Variants in CATSPERT observed in about 807,000 individuals in gnomAD.
The protein encoded by CATSPERT is catsper channel auxiliary subunit tau, also known as cation channel sperm-associated targeting subunit tau.
At chr2:201,539,443 C>T in the CATSPERT span, among the ~76,000 whole-genome samples, 10 of 148,412 alleles carry the variant, frequency 6.7e-5, no homozygotes, top group Non-Finnish European at 1.0e-4. Context: ...TTTCATATGC[C>T]TGTTGGCCAT....
chr2:201,493,727 G>T, the CATSPERT span: 25 of 1,537,162 alleles, frequency 1.6e-5, no homozygotes, highest in African/African-American at 4.1e-5. Flanking sequence ...GAGAATATTG[G>T]TGCAGTGAAT....
chr2:201,519,470 T>C, the CATSPERT span, among the ~76,000 whole-genome samples: 1 of 151,530 alleles, frequency 6.6e-6, no homozygotes, highest in Non-Finnish European at 1.5e-5. Flanking sequence ...CAAGGAAACA[T>C]GACACAAAGG....
chr2:201,559,133 A>T, the CATSPERT span, among the ~76,000 whole-genome samples: 6 of 152,196 alleles, frequency 3.9e-5, no homozygotes, highest in African/African-American at 1.4e-4. Flanking sequence ...AGGACCTGAG[A>T]AACAGCCCCG....
the CATSPERT span, among the ~76,000 whole-genome samples, chr2:201,527,525 T>C: frequency 6.6e-6 from 1 of 152,142 alleles, no homozygotes; most frequent in Admixed American, 6.5e-5. Context: ...AAGGTTACAG[T>C]AACCAAAACA....
the CATSPERT span, among the ~76,000 whole-genome samples, chr2:201,604,423 A>T: frequency 6.6e-6 from 1 of 152,186 alleles, no homozygotes; most frequent in Admixed American, 6.5e-5. Context: ...AATCCCTAAT[A>T]TAGAAGATAT....
At chr2:201,526,554 C>T in the CATSPERT span, among the ~76,000 whole-genome samples, 1 of 152,054 alleles carries the variant, frequency 6.6e-6, no homozygotes, top group African/African-American at 2.4e-5. Context: ...TCCAGCAGCA[C>T]ATCAGAAAGC....
At chr2:201,618,958 C>G in the CATSPERT span, 1 of 1,613,960 alleles carries the variant, frequency 6.2e-7, no homozygotes, top group Non-Finnish European at 8.5e-7. Context: ...GGCCGTCGTG[C>G]CCTGGTTCAG....
the CATSPERT span, chr2:201,493,152 T>C: frequency 6.5e-7 from 1 of 1,526,814 alleles, no homozygotes; most frequent in Non-Finnish European, 8.8e-7. Flanking sequence ...TTATTTCATC[T>C]GATTCACTAA....
At chr2:201,544,235 T>C in the CATSPERT span, among the ~76,000 whole-genome samples, 63,682 of 151,686 alleles carry the variant, frequency 0.42, 13,954 homozygotes, top group East Asian at 0.75. Flanking sequence ...ATATGTGCCG[T>C]ATTTTCTTAA....
At chr2:201,545,907 A>G in the CATSPERT span, among the ~76,000 whole-genome samples, 1 of 152,086 alleles carries the variant, frequency 6.6e-6, no homozygotes, top group Non-Finnish European at 1.5e-5. Context: ...GGAGATGAAT[A>G]TTACAAGATA....
chr2:201,579,853 CTTTTTTT>C, the CATSPERT span, among the ~76,000 whole-genome samples: 2 of 134,294 alleles, frequency 1.5e-5, no homozygotes, highest in African/African-American at 5.5e-5. Flanking sequence ...CTTTCTTTTT[CTTTTTTT>C]TTTTTTTTTG....
At chr2:201,608,718 G>C in the CATSPERT span, among the ~76,000 whole-genome samples, 2 of 151,896 alleles carry the variant, frequency 1.3e-5, no homozygotes, top group Non-Finnish European at 2.9e-5. Flanking sequence ...TCAGGAGGCT[G>C]AGTTGGGAGG....
the CATSPERT span, among the ~76,000 whole-genome samples, chr2:201,508,301 T>C: frequency 6.6e-6 from 1 of 152,240 alleles, no homozygotes; most frequent in African/African-American, 2.4e-5. Context: ...TCTAATTTTA[T>C]AGGTACAAGA....
the CATSPERT span, among the ~76,000 whole-genome samples, chr2:201,510,077 G>A: frequency 6.6e-6 from 1 of 150,818 alleles, no homozygotes; most frequent in African/African-American, 2.5e-5. Flanking sequence ...AATGTGATCA[G>A]GACACTCTCT....
At chr2:201,602,774 A>G in the CATSPERT span, among the ~76,000 whole-genome samples, 2 of 152,290 alleles carry the variant, frequency 1.3e-5, no homozygotes, top group South Asian at 4.1e-4. Context: ...TAGGGTTGGG[A>G]CTAGTAAGCC....
At chr2:201,572,168 A>G in the CATSPERT span, 2 of 547,756 alleles carry the variant, frequency 3.7e-6, no homozygotes, top group Admixed American at 3.3e-5. Context: ...GAAATAAGGA[A>G]TTAAGAGAGG....
the CATSPERT span, among the ~76,000 whole-genome samples, chr2:201,617,146 T>C: frequency 5.3e-5 from 8 of 152,326 alleles, no homozygotes; most frequent in African/African-American, 1.4e-4. Context: ...AGGTAATTTA[T>C]AGATTCAATG....
At chr2:201,594,169 G>T in the CATSPERT span, among the ~76,000 whole-genome samples, 2 of 152,150 alleles carry the variant, frequency 1.3e-5, no homozygotes, top group Admixed American at 1.3e-4. Flanking sequence ...TTTAGGGCAG[G>T]CCTGGTGGTG....
the CATSPERT span, among the ~76,000 whole-genome samples, chr2:201,512,689 C>T: frequency 6.6e-6 from 1 of 152,192 alleles, no homozygotes; most frequent in East Asian, 1.9e-4. Flanking sequence ...AGTTAAAGGA[C>T]ATCTGGGTTG....
Sources: allele counts gnomAD v4.1 joint callset (sites outside exome capture counted in the v4.1 genomes callset), GRCh38; gene constraint gnomAD v4.1.1; transcripts MANE v1.5; gene names NCBI Gene and HGNC (gene_info 2026-07-23, HGNC 2026-07-21).